MRPL37: variants seen among roughly 807,000 people sequenced by gnomAD.
The protein encoded by MRPL37 is large ribosomal subunit protein mL37.
A neutral mutation model predicts 44.1 loss-of-function variants in MRPL37; 34 were observed. That is an observed-to-expected ratio of 0.77 (90% CI 0.59 to 1.03). The LOEUF (loss-of-function observed/expected upper bound fraction) is 1.03. MRPL37 is among the 50% of genes least tolerant of loss of function. MRPL37 has a pLI of 0.00. For synonymous variants in MRPL37, 212 were observed against 219.5 expected (o/e 0.97, Z 0.30); for missense variants, 532 against 543.7 (o/e 0.98, Z 0.21).
chr1:54,213,961 T>C (rs1169982745), intron 5 of MRPL37, among the ~76,000 whole-genome samples: 1 of 152,198 alleles, frequency 6.6e-6, no homozygotes, highest in Non-Finnish European at 1.5e-5. Flanking sequence ...GGTGGGAGGA[T>C]TACTTGAGGC....
chr1:54,201,512 A>G (rs1045580819), intron 1 of MRPL37, among the ~76,000 whole-genome samples: 7 of 152,244 alleles, frequency 4.6e-5, no homozygotes, highest in African/African-American at 7.2e-5. Flanking sequence ...ATGCATTAGC[A>G]GTATTTTAGA....
Position 54,216,213 on chromosome 1 carries a change from C to T in MRPL37, c.1063C>T (p.Leu355=). 6.2e-7 allele frequency: 1 copy of T among 1,614,172 alleles called. No individual in the cohort carries two copies. The highest frequency in any genetic ancestry group is 2.2e-5 in the East Asian group (1 of 44,886). ...VGTDGRVFHF[L]VFQLNTTDLD... ...CACGGATGGACGTGTCTTCCATTTCCTAGTGTTTCAACTGAATACCACAGA... is the reference window on the plus strand; with the variant it reads ...CACGGATGGACGTGTCTTCCATTTCTTAGTGTTTCAACTGAATACCACAGA... Residue 355 remains leucine (L), a synonymous_variant, in exon 6 of 7, where the codon CTA becomes TTA. Coordinates refer to ENST00000360840, the MANE Select transcript of MRPL37 (RefSeq NM_016491.4).
At chr1:54,215,964 G>C (rs910054666) in intron 5 of MRPL37, among the ~76,000 whole-genome samples, 177 bp from the exon 6 acceptor site, 2 of 152,188 alleles carry the variant, frequency 1.3e-5, no homozygotes, top group Non-Finnish European at 2.9e-5. Context: ...GGTGAAGGAA[G>C]GCCCGGCCCT....
At chr1:54,218,454 C>T (rs1644212608), downstream of MRPL37, 1 of 1,312,566 alleles carries the variant, frequency 7.6e-7, no homozygotes, top group Admixed American at 3.0e-5. Context: ...GCCTGACCTG[C>T]CCCAGCTGAA....
intron 5 of MRPL37, among the ~76,000 whole-genome samples, chr1:54,214,453 T>C (rs1176135595): frequency 6.6e-6 from 1 of 152,190 alleles, no homozygotes; most frequent in African/African-American, 2.4e-5. Context: ...ATATACTTCC[T>C]GAAGGCTCCG....
In MRPL37 at chr1:54,216,330, AAG is replaced by A; in HGVS notation, c.1185_1186del (p.Arg395SerfsTer35). Reference sequence around the variant, plus strand: ...TTTTTGGTGTCTCCCAGTGATCAAAAAGAGAGTGGTTGTGGTAAGTTGAGCCA... The same window carrying A: ...TTTTTGGTGTCTCCCAGTGATCAAAAAGAGTGGTTGTGGTAAGTTGAGCCA... Reference protein sequence around the residue: ...QHFWCLPVIKKRVVVEPVGPV... With the variant: ...QHFWCLPVIKXRVVVEPVGPV... On this transcript the variant is annotated frameshift_variant, in exon 6 of 7. Transcript: ENST00000360840. LOFTEE classifies it high-confidence loss of function. 1.2e-6 allele frequency: 2 copies of A among 1,614,026 alleles called. No homozygotes were observed. Among genetic ancestry groups the A allele is most frequent in the Non-Finnish European group, 1.7e-6 (2 of 1,180,022 alleles).
At chr1:54,219,786 T>C (rs1361723118), downstream of MRPL37, among the ~76,000 whole-genome samples, 1 of 152,234 alleles carries the variant, frequency 6.6e-6, no homozygotes, top group Non-Finnish European at 1.5e-5. Context: ...ACAACACACA[T>C]ATATACATGA....
rs1195558856 is a variant in MRPL37, at chr1:54,212,674, A to T, written c.990+16A>T. On this transcript the variant is annotated intron_variant, in intron 5 of 6. Coordinates refer to ENST00000360840, the MANE Select transcript of MRPL37 (RefSeq NM_016491.4). ...CCTCTATGGGGTATGTAGGTGGAGAAGACCACTGAGTTGCTTTACGTGGTG... is the reference window on the plus strand; with the variant it reads ...CCTCTATGGGGTATGTAGGTGGAGATGACCACTGAGTTGCTTTACGTGGTG... The T allele has an allele frequency of 2.5e-6, 4 of 1,614,104 alleles. 1 individual carries two copies. The South Asian group carries it at 4.4e-5, about 18-fold the overall frequency.
intron 1 of MRPL37, among the ~76,000 whole-genome samples, chr1:54,202,727 G>A (rs1395978991): frequency 6.6e-6 from 1 of 152,044 alleles, no homozygotes; most frequent in African/African-American, 2.4e-5. Flanking sequence ...TGGTCTCAAA[G>A]CAATCTACCT....
chr1:54,223,484 A>AC (rs1368443359), downstream of MRPL37, among the ~76,000 whole-genome samples: 1 of 151,990 alleles, frequency 6.6e-6, no homozygotes, highest in East Asian at 1.9e-4. Flanking sequence ...CAGCCTTCTT[A>AC]CCCCCGCTAG....
In MRPL37 at chr1:54,216,336, GTGGT is replaced by G; in HGVS notation, c.1189_1192del (p.Val397TrpfsTer18). 1 of 1,613,958 alleles carries G rather than the reference GTGGT, an allele frequency of 6.2e-7. No homozygotes were observed. The highest frequency in any genetic ancestry group is 8.5e-7 in the Non-Finnish European group (1 of 1,180,022). The stretch of plus-strand genomic sequence containing the variant: ...GTGTCTCCCAGTGATCAAAAAGAGA[GTGGT>G]TGTGGTAAGTTGAGCCATCTCCTGC... On this transcript the variant is annotated frameshift_variant, in exon 6 of 7. Coordinates refer to ENST00000360840, the MANE Select transcript of MRPL37 (RefSeq NM_016491.4). LOFTEE classifies it high-confidence loss of function.
downstream of MRPL37, among the ~76,000 whole-genome samples, chr1:54,224,570 G>A (rs997758338): frequency 6.6e-6 from 1 of 152,170 alleles, no homozygotes; most frequent in Non-Finnish European, 1.5e-5. Context: ...ATTTAAACCT[G>A]GGAATTTGCT....
chr1:54,222,336 G>A (rs1644241687), downstream of MRPL37, among the ~76,000 whole-genome samples: 1 of 150,816 alleles, frequency 6.6e-6, no homozygotes, highest in African/African-American at 2.4e-5. Flanking sequence ...AGGAGGAGGG[G>A]CCAGCAGGAA....
In MRPL37 at chr1:54,205,131, G is replaced by A. The variant is rs375324336; in HGVS notation, c.460G>A (p.Val154Ile). Residue 154 changes from valine to isoleucine, a missense_variant, in exon 2 of 7, where the codon GTT (valine) becomes ATT (isoleucine). Transcript: ENST00000360840. ...CCACATAGAGAACCAAGACGAGTGC[G>A]TTCTGAATGTGATCTCTCACGCCCG... Reference protein sequence around the residue: ...RNHIENQDECVLNVISHARLW... With the variant: ...RNHIENQDECILNVISHARLW... 19 of 1,613,972 alleles carry A rather than the reference G, an allele frequency of 1.2e-5. No homozygotes were observed. Among genetic ancestry groups the A allele is most frequent in the Non-Finnish European group, 1.4e-5 (17 of 1,180,038 alleles).
At chr1:54,219,779 A>C (rs940960117), downstream of MRPL37, among the ~76,000 whole-genome samples, 4 of 152,224 alleles carry the variant, frequency 2.6e-5, no homozygotes, top group African/African-American at 4.8e-5. Flanking sequence ...TATCATAACA[A>C]CACACATATA....
chr1:54,200,302 T>A lies in MRPL37; in HGVS notation c.59T>A (p.Leu20His). 1.9e-6 allele frequency: 3 copies of A among 1,612,736 alleles called. No homozygotes were observed. The highest frequency in any genetic ancestry group is 2.5e-6 in the Non-Finnish European group (3 of 1,179,666). The change falls in exon 1 of 7, where the codon CTT becomes CAT. Residue 20 changes from leucine (L) to histidine (H), a missense_variant. Physicochemically the swap from Leu to His is moderately conservative, Grantham distance 99. Coordinates refer to ENST00000360840, the MANE Select transcript of MRPL37 (RefSeq NM_016491.4). Reference protein sequence around the residue: ...RALAGSGQLGLGGFGAPRRGA... With the variant: ...RALAGSGQLGHGGFGAPRRGA... ...CTAGCTGGCTCCGGGCAGCTCGGCC[T>A]TGGGGGCTTCGGGGCCCCGAGACGC...
At chr1:54,220,581 C>T (rs1435585395), downstream of MRPL37, 3 of 461,264 alleles carry the variant, frequency 6.5e-6, no homozygotes, top group Middle Eastern at 3.3e-4. Context: ...CTGGGAAGCT[C>T]GTGTGTCATG....
Position 54,200,187 on chromosome 1 carries a change from C to T in MRPL37, c.-57C>T. The T allele has an allele frequency of 1.3e-6, 2 of 1,488,460 alleles. No homozygotes were observed. The highest frequency in any genetic ancestry group is 1.8e-6 in the Non-Finnish European group (2 of 1,121,076). 92.2% of individuals were successfully genotyped at this position (1,488,460 alleles called of 1,614,324 possible). On this transcript the variant is annotated 5_prime_UTR_variant, in exon 1 of 7. Coordinates refer to ENST00000360840, the MANE Select transcript of MRPL37 (RefSeq NM_016491.4). ...CCGGTCTCATTCGTTCCCAGCAGGC[C>T]CTGCGCGCGGCAACATGGCGGGGTC...
Position 54,200,177 on chromosome 1 carries a change from C to G in MRPL37, c.-67C>G. Reference sequence around the variant, plus strand: ...GCTTTGGCGCCCGGTCTCATTCGTTCCCAGCAGGCCCTGCGCGCGGCAACA... The same window carrying G: ...GCTTTGGCGCCCGGTCTCATTCGTTGCCAGCAGGCCCTGCGCGCGGCAACA... On this transcript the variant is annotated 5_prime_UTR_variant, in exon 1 of 7. Coordinates refer to ENST00000360840, the MANE Select transcript of MRPL37 (RefSeq NM_016491.4). 1 of 1,461,192 alleles carries G rather than the reference C, an allele frequency of 6.8e-7. No individual in the cohort carries two copies. The highest frequency in any genetic ancestry group is 9.1e-7 in the Non-Finnish European group (1 of 1,097,858). 90.5% of individuals were successfully genotyped at this position (1,461,192 alleles called of 1,614,324 possible). A position where few individuals can be genotyped will look rare whatever the true frequency, so the allele number is the denominator to read the frequency against.
Sources: allele counts gnomAD v4.1 joint callset (sites outside exome capture counted in the v4.1 genomes callset), GRCh38; gene constraint gnomAD v4.1.1; transcripts MANE v1.5; gene names NCBI Gene and HGNC (gene_info 2026-07-23, HGNC 2026-07-21).